ADAMTSL1: variants seen among roughly 807,000 people sequenced by gnomAD.
The protein encoded by ADAMTSL1 is ADAMTS like 1.
A neutral mutation model predicts 201.8 loss-of-function variants in ADAMTSL1; 126 were observed. The ratio of observed to expected loss-of-function variants is 0.62; its 90% confidence interval spans 0.54 to 0.72. ADAMTSL1 has a LOEUF of 0.72. Ranked by LOEUF, ADAMTSL1 falls within the 30% of genes least tolerant of loss-of-function variation. The pLI, the probability that ADAMTSL1 is intolerant of heterozygous loss-of-function variation, is 0.00. For synonymous variants in ADAMTSL1, 1,121 were observed against 903.4 expected (o/e 1.24, Z -4.32); for missense variants, 2,679 against 2,277.8 (o/e 1.18, Z -3.59).
intron 23 of ADAMTSL1, among the ~76,000 whole-genome samples, chr9:18,865,051 T>A (rs888425410): frequency 6.6e-6 from 1 of 152,226 alleles, no homozygotes; most frequent in African/African-American, 2.4e-5. Flanking sequence ...TCTCTTTTTT[T>A]AATTATACTT....
At chr9:18,244,147 T>G (rs1732981615) in intron 2 of ADAMTSL1, among the ~76,000 whole-genome samples, 1 of 151,536 alleles carries the variant, frequency 6.6e-6, no homozygotes, top group East Asian at 1.9e-4. Flanking sequence ...CATAGCTGCC[T>G]ACAACACTGT....
At chr9:18,891,757 G>A (rs1264366180) in intron 25 of ADAMTSL1, among the ~76,000 whole-genome samples, 2 of 152,218 alleles carry the variant, frequency 1.3e-5, no homozygotes, top group Admixed American at 6.5e-5. Context: ...CTTGACTTCA[G>A]TGAGGCCCAG....
At chr9:18,102,646 G>A (rs1564001744) in intron 1 of ADAMTSL1, among the ~76,000 whole-genome samples, 1 of 152,182 alleles carries the variant, frequency 6.6e-6, no homozygotes, top group Non-Finnish European at 1.5e-5. Flanking sequence ...CAACAGGAGG[G>A]CTGGTTTGTG....
intron 2 of ADAMTSL1, among the ~76,000 whole-genome samples, chr9:18,307,195 C>T (rs544633675): frequency 6.6e-6 from 1 of 152,098 alleles, no homozygotes; most frequent in East Asian, 1.9e-4. Flanking sequence ...CTGAAGGAAG[C>T]TCTAAATATG....
At chr9:18,878,307 C>T (rs745600589) in intron 23 of ADAMTSL1, among the ~76,000 whole-genome samples, 1 of 152,240 alleles carries the variant, frequency 6.6e-6, no homozygotes, top group African/African-American at 2.4e-5. Context: ...GGATTCTGTC[C>T]AGGAAACTTC....
At chr9:18,172,938 C>T (rs1014818884) in intron 2 of ADAMTSL1, among the ~76,000 whole-genome samples, 7 of 151,850 alleles carry the variant, frequency 4.6e-5, no homozygotes, top group South Asian at 2.1e-4. Context: ...GACAGAGGTG[C>T]GAAAAATATG....
chr9:18,543,070 T>A (rs1285313314), intron 3 of ADAMTSL1, among the ~76,000 whole-genome samples: 1 of 152,204 alleles, frequency 6.6e-6, no homozygotes, highest in Non-Finnish European at 1.5e-5. Flanking sequence ...CTGGCAACTA[T>A]CATGGCTTGG....
intron 13 of ADAMTSL1, among the ~76,000 whole-genome samples, chr9:18,690,833 T>C (rs1040821888): frequency 6.6e-6 from 1 of 152,196 alleles, no homozygotes; most frequent in African/African-American, 2.4e-5. Context: ...ATATAATTTC[T>C]TGGGCTAATT....
chr9:18,062,169 A>G (rs1365899034), intron 1 of ADAMTSL1, among the ~76,000 whole-genome samples: 1 of 152,208 alleles, frequency 6.6e-6, no homozygotes, highest in Non-Finnish European at 1.5e-5. Context: ...TGAATATTTC[A>G]ACCTTAGTGA....
At chr9:18,397,777 T>C (rs1047767077) in intron 2 of ADAMTSL1, among the ~76,000 whole-genome samples, 1 of 152,178 alleles carries the variant, frequency 6.6e-6, no homozygotes, top group South Asian at 2.1e-4. Flanking sequence ...TTAGTGTTTG[T>C]CTATATTTTT....
intron 20 of ADAMTSL1, among the ~76,000 whole-genome samples, chr9:18,816,359 C>T (rs2131179550): frequency 6.6e-6 from 1 of 152,298 alleles, no homozygotes. Flanking sequence ...CCCTCAGCCT[C>T]CTAAGTAGCT....
At chr9:18,529,126 A>T (rs952759617) in intron 2 of ADAMTSL1, among the ~76,000 whole-genome samples, 3 of 152,220 alleles carry the variant, frequency 2.0e-5, no homozygotes, top group Non-Finnish European at 4.4e-5. Context: ...TGAAATTTAT[A>T]TTCAAATTTC....
chr9:18,544,378 G>A (rs990961711), intron 3 of ADAMTSL1, among the ~76,000 whole-genome samples: 30 of 152,172 alleles, frequency 2.0e-4, no homozygotes, highest in African/African-American at 7.0e-4. Context: ...ATAACTCAAG[G>A]TGATATAATA....
At chr9:18,291,731 TCTCTCTCTCTCTCTCTCACACACACA>T (rs1392529310) in intron 2 of ADAMTSL1, among the ~76,000 whole-genome samples, 38 of 128,938 alleles carry the variant, frequency 2.9e-4, no homozygotes, top group Admixed American at 6.3e-4. Context: ...TCTCTCTCTC[TCTCTCTCTCTCTCTCTCACACACACA>T]CACACACACA....
intron 3 of ADAMTSL1, among the ~76,000 whole-genome samples, chr9:18,541,111 G>C (rs951368772): frequency 6.6e-6 from 1 of 152,210 alleles, no homozygotes; most frequent in Non-Finnish European, 1.5e-5. Flanking sequence ...TAAGTCACTT[G>C]ATGAAGGCTT....
intron 2 of ADAMTSL1, among the ~76,000 whole-genome samples, chr9:18,397,724 A>ATT (rs925644419): frequency 5.3e-5 from 8 of 152,210 alleles, no homozygotes; most frequent in African/African-American, 1.9e-4. Context: ...AAAAAGGTTT[A>ATT]TTTTTAAATC....
intron 2 of ADAMTSL1, among the ~76,000 whole-genome samples, chr9:18,269,870 A>T (rs549157689): frequency 5.7e-4 from 84 of 146,514 alleles, no homozygotes; most frequent in African/African-American, 2.1e-3. Context: ...TAATTTGTGC[A>T]TCCCAACTGC....
intron 19 of ADAMTSL1, among the ~76,000 whole-genome samples, chr9:18,782,129 CTG>C (rs1391379856): frequency 6.6e-6 from 1 of 152,136 alleles, no homozygotes; most frequent in African/African-American, 2.4e-5. Flanking sequence ...AAGCCAGACT[CTG>C]TGTTAGATAC....
At chr9:18,681,350 T>C (rs1587880676) in intron 11 of ADAMTSL1, 2 of 152,344 alleles carry the variant, frequency 1.3e-5, no homozygotes, top group Admixed American at 1.3e-4. Flanking sequence ...GGATTAACAA[T>C]GCTGCAATAT....
Sources: gnomAD v4.1 joint callset for allele counts (sites outside exome capture counted in the v4.1 genomes callset) on GRCh38, gnomAD v4.1.1 for gene constraint, MANE v1.5 for transcripts, NCBI Gene and HGNC (gene_info 2026-07-23, HGNC 2026-07-21) for gene names.